GRIN2A: variants seen among roughly 807,000 people sequenced by gnomAD.
The protein encoded by GRIN2A is glutamate ionotropic receptor NMDA type subunit 2A, also known as glutamate receptor ionotropic, NMDA 2A.
In GRIN2A, 22 loss-of-function variants were observed where a neutral mutation model predicts 113.4. That is an observed-to-expected ratio of 0.19 (90% CI 0.14 to 0.28). The LOEUF is 0.28. GRIN2A is among the 10% of genes least tolerant of loss of function. GRIN2A has a pLI of 1.00. For missense variants in GRIN2A, 1,502 were observed against 1,887.0 expected (o/e 0.80, Z 3.78); for synonymous variants, 827 against 738.4 (o/e 1.12, Z -1.94).
At chr16:10,080,357 C>T (rs73510684) in intron 2 of GRIN2A, among the ~76,000 whole-genome samples, 3,837 of 152,278 alleles carry the variant, frequency 0.025, 166 homozygotes, top group African/African-American at 0.088. Context: ...AGCAATGTGA[C>T]TCTGCCAGGC....
intron 10 of GRIN2A, among the ~76,000 whole-genome samples, chr16:9,816,203 C>T (rs531325535): frequency 7.2e-5 from 11 of 152,166 alleles, no homozygotes; most frequent in South Asian, 6.2e-4. Flanking sequence ...TTGTACCACA[C>T]GATGAATGCA....
intron 2 of GRIN2A, among the ~76,000 whole-genome samples, chr16:9,991,550 C>A (rs1280096177): frequency 6.6e-6 from 1 of 152,192 alleles, no homozygotes; most frequent in South Asian, 2.1e-4. Context: ...TTCACCTCCT[C>A]CCATTCCCCT....
chr16:10,024,251 C>G (rs2352750), intron 2 of GRIN2A, among the ~76,000 whole-genome samples: 108,983 of 152,106 alleles, frequency 0.72, 40,689 homozygotes, highest in Non-Finnish European at 0.84. Flanking sequence ...TGAGACGGAG[C>G]CTCGCTCTGT....
intron 6 of GRIN2A, 63 bp downstream of exon 6, chr16:9,840,873 C>T (rs2042664427): frequency 6.5e-7 from 1 of 1,538,878 alleles, no homozygotes; most frequent in Non-Finnish European, 9.0e-7. Context: ...TTCCTGCTAA[C>T]ATTCCTGAGG....
At chr16:9,821,411 C>G (rs1415152029) in intron 10 of GRIN2A, among the ~76,000 whole-genome samples, 1 of 152,082 alleles carries the variant, frequency 6.6e-6, no homozygotes. Context: ...GTTCCACATG[C>G]AAGCAGAAAG....
chr16:9,834,662 G>A (rs768743448), intron 7 of GRIN2A, among the ~76,000 whole-genome samples: 6 of 152,164 alleles, frequency 3.9e-5, no homozygotes, highest in African/African-American at 1.2e-4. Context: ...GATTACAGGC[G>A]TGAGCCACTG....
intron 7 of GRIN2A, among the ~76,000 whole-genome samples, chr16:9,839,439 G>T (rs1255672759): frequency 6.6e-6 from 1 of 151,024 alleles, no homozygotes; most frequent in Non-Finnish European, 1.5e-5. Flanking sequence ...AAAATCACAA[G>T]AATTTCCTTC....
chr16:10,034,535 C>CAAAAAAAAAAAAAAAA (rs58076569), intron 2 of GRIN2A, among the ~76,000 whole-genome samples: 2 of 36,420 alleles, frequency 5.5e-5, no homozygotes, highest in African/African-American at 2.2e-4. Flanking sequence ...CAAAAAAAAG[C>CAAAAAAAAAAAAAAAA]AAAAAAAAAA....
rs553870865 is a variant in GRIN2A, at chr16:9,878,067, T to C, written c.1122+12919A>G. On this transcript the variant is annotated intron_variant, in intron 4 of 12. Coordinates refer to ENST00000330684, the MANE Select transcript of GRIN2A (RefSeq NM_001134407.3). ...GAGATCATTTAAATAATCTATTTGC[T>C]CATTTTCATAATTGATGGCAATGGA... is the stretch of plus-strand genomic sequence containing the variant. Among the ~76,000 whole-genome samples the C allele has an allele frequency of 5.9e-5, 9 of 152,228 alleles. No individual in the cohort carries two copies. In the South Asian group the frequency reaches 1.0e-3, roughly 18 times the overall value.
At chr16:10,074,629 G>A (rs78842582) in intron 2 of GRIN2A, among the ~76,000 whole-genome samples, 5,281 of 152,230 alleles carry the variant, frequency 0.035, 74 homozygotes, top group South Asian at 0.047. Flanking sequence ...GAAACCAGAC[G>A]CAAAAGGCCA....
intron 11 of GRIN2A, among the ~76,000 whole-genome samples, chr16:9,785,184 C>A: frequency 6.6e-6 from 1 of 151,996 alleles, no homozygotes; most frequent in Admixed American, 6.5e-5. Flanking sequence ...GACTTGGAAC[C>A]AACCTAAATG....
At chr16:10,098,253 C>A (rs1461109652) in intron 2 of GRIN2A, among the ~76,000 whole-genome samples, 1 of 152,040 alleles carries the variant, frequency 6.6e-6, no homozygotes. Context: ...AACCACAATG[C>A]AATACCACTT....
chr16:9,971,208 C>T (rs538601660), intron 2 of GRIN2A, among the ~76,000 whole-genome samples: 1 of 152,210 alleles, frequency 6.6e-6, no homozygotes, highest in East Asian at 1.9e-4. Context: ...AGCACAGTGA[C>T]TATGTGACCA....
chr16:10,157,030 T>C (rs1433648821), intron 2 of GRIN2A, among the ~76,000 whole-genome samples: 1 of 152,120 alleles, frequency 6.6e-6, no homozygotes, highest in Non-Finnish European at 1.5e-5. Context: ...GGGTTTAGAA[T>C]TTACCCTGAA....
intron 11 of GRIN2A, among the ~76,000 whole-genome samples, chr16:9,787,291 C>A (rs1225477552): frequency 6.6e-6 from 1 of 152,202 alleles, no homozygotes; most frequent in Non-Finnish European, 1.5e-5. Context: ...CTTCTCTTAA[C>A]CCAGAAAGTC....
chr16:9,899,600 T>A (rs1188226121), intron 3 of GRIN2A, among the ~76,000 whole-genome samples: 1 of 152,046 alleles, frequency 6.6e-6, no homozygotes, highest in Non-Finnish European at 1.5e-5. Context: ...CAACACAAAT[T>A]CTATTGTGGT....
intron 10 of GRIN2A, among the ~76,000 whole-genome samples, chr16:9,816,964 T>C (rs2042198072): frequency 6.6e-6 from 1 of 152,244 alleles, no homozygotes; most frequent in Non-Finnish European, 1.5e-5. Context: ...ACAACAGATC[T>C]GTGCCTGAAA....
At chr16:10,003,039 G>A (rs192249727) in intron 2 of GRIN2A, among the ~76,000 whole-genome samples, 255 of 152,334 alleles carry the variant, frequency 1.7e-3, no homozygotes, top group African/African-American at 5.6e-3. Context: ...TGAGTGTGTA[G>A]CAACTGACAA....
chr16:10,143,645 G>C (rs917679491), intron 2 of GRIN2A, among the ~76,000 whole-genome samples: 3 of 152,120 alleles, frequency 2.0e-5, no homozygotes, highest in African/African-American at 7.2e-5. Flanking sequence ...GGGTTGGTAA[G>C]GTATTAGGGA....
Sources: gnomAD v4.1 joint callset for allele counts (sites outside exome capture counted in the v4.1 genomes callset) on GRCh38, gnomAD v4.1.1 for gene constraint, MANE v1.5 for transcripts, NCBI Gene and HGNC (gene_info 2026-07-23, HGNC 2026-07-21) for gene names.